LMNA: variants seen among roughly 807,000 people sequenced by gnomAD.
LMNA encodes the protein lamin A/C.
A neutral mutation model predicts 70.4 loss-of-function variants in LMNA; 20 were observed. The observed-to-expected ratio is 0.28, with a 90% CI of 0.20 to 0.41. The LOEUF is 0.41. LMNA is among the 10% of genes least tolerant of loss of function. The probability of loss-of-function intolerance (pLI) is 1.00; values close to 1 mark genes in which losing one functional copy is unlikely to be tolerated. For missense variants in LMNA, 652 were observed against 917.2 expected, an observed-to-expected ratio of 0.71 and a Z score of 3.73; for synonymous variants, 339 against 372.8, an observed-to-expected ratio of 0.91 and a Z score of 1.04.
intron 1 of LMNA, among the ~76,000 whole-genome samples, chr1:156,121,046 CTTTT>C (rs57371677): frequency 1.0e-5 from 1 of 100,410 alleles, no homozygotes; most frequent in Admixed American, 1.0e-4. Flanking sequence ...CAAATCCATT[CTTTT>C]TTTTTTTTTT....
chr1:156,119,112 AT>A (rs901414282), intron 1 of LMNA, among the ~76,000 whole-genome samples: 25 of 146,648 alleles, frequency 1.7e-4, no homozygotes, highest in East Asian at 9.9e-4. Flanking sequence ...TGCCCAGCTA[AT>A]TTTTTTTTTC....
intron 3 of LMNA, among the ~76,000 whole-genome samples, chr1:156,092,886 T>C (rs1648760655): frequency 6.6e-6 from 1 of 150,800 alleles, no homozygotes; most frequent in Non-Finnish European, 1.5e-5. Context: ...TCTTTTCTTT[T>C]TTTCTTTTTT....
intron 2 of LMNA, among the ~76,000 whole-genome samples, chr1:156,086,426 T>TCTC (rs1375166588): frequency 6.3e-5 from 6 of 95,814 alleles, no homozygotes; most frequent in Non-Finnish European, 8.3e-5. Context: ...CTCTCTCTCT[T>TCTC]TTGTCTTTCT....
At chr1:156,108,970 C>T (rs1399403017) in intron 3 of LMNA, among the ~76,000 whole-genome samples, 1 of 152,162 alleles carries the variant, frequency 6.6e-6, no homozygotes, top group African/African-American at 2.4e-5. Flanking sequence ...AGAACCTTCT[C>T]TGACAACAGA....
At chr1:156,127,008 C>T in intron 1 of LMNA, 1 of 1,299,706 alleles carries the variant, frequency 7.7e-7, no homozygotes, top group Non-Finnish European at 1.0e-6. Flanking sequence ...CTTCCCAGCT[C>T]CTCTGGCCTG....
At chr1:156,130,491 G>T in intron 1 of LMNA, 126 bp from the exon 2 acceptor site, 1 of 1,043,214 alleles carries the variant, frequency 9.6e-7, no homozygotes, top group African/African-American at 1.6e-5. Context: ...CCTAATGCAA[G>T]GATGCCCTCT....
rs1252289177 is a variant in LMNA at position 156,138,548 on chromosome 1, C to T, written c.1759C>T (p.Leu587=). The change falls in exon 11 of 12, where the codon CTG becomes TTG. Residue 587 remains leucine (L), a synonymous_variant. Coordinates refer to ENST00000368300, the MANE Select transcript of LMNA (RefSeq NM_170707.4). This position sits in a 1 kb window ranked among gnomAD's most constrained non-coding sequence, Gnocchi z 5.5. ...AEYNLRSRTV[L]CGTCGQPADK... is the part of the protein sequence containing the mutation. ...GTACAACCTGCGCTCGCGCACCGTGCTGTGCGGGACCTGCGGGCAGCCTGC... is the reference window on the plus strand; with the variant it reads ...GTACAACCTGCGCTCGCGCACCGTGTTGTGCGGGACCTGCGGGCAGCCTGC... 3.1e-6 allele frequency: 5 copies of T among 1,612,652 alleles called. No individual in the cohort carries two copies. The highest frequency in any genetic ancestry group is 4.2e-6 in the Non-Finnish European group (5 of 1,179,786).
At chr1:156,095,383 T>C (rs1391467800) in intron 3 of LMNA, among the ~76,000 whole-genome samples, 1 of 152,072 alleles carries the variant, frequency 6.6e-6, no homozygotes, top group Non-Finnish European at 1.5e-5. Context: ...ATGAAAGGAA[T>C]AAAATGACCA....
Position 156,138,670 on chromosome 1 carries a change from C to T in LMNA, c.1881C>T (p.Arg627=), listed in dbSNP as rs780246331. 6.2e-7 allele frequency: 1 copy of T among 1,613,756 alleles called. No individual in the cohort carries two copies. The highest frequency in any genetic ancestry group is 1.1e-5 in the South Asian group (1 of 91,080). ...ASSVTVTRSY[R]SVGGSGGGSF... is the part of the protein sequence containing the mutation. ...GTGTCACGGTCACTCGCAGCTACCGCAGTGTGGGGGGCAGTGGGGGTGGCA... is the reference window on the plus strand; with the variant it reads ...GTGTCACGGTCACTCGCAGCTACCGTAGTGTGGGGGGCAGTGGGGGTGGCA... The change falls in exon 11 of 12, where the codon CGC becomes CGT. Residue 627 remains arginine (R), a synonymous_variant. Coordinates refer to ENST00000368300, the MANE Select transcript of LMNA (RefSeq NM_170707.4). This position sits in a 1 kb window ranked among gnomAD's most constrained non-coding sequence, Gnocchi z 5.5.
intron 3 of LMNA, among the ~76,000 whole-genome samples, chr1:156,096,937 A>G (rs2102795324): frequency 6.6e-6 from 1 of 152,300 alleles, no homozygotes; most frequent in African/African-American, 2.4e-5. Flanking sequence ...GCTCGGGGGC[A>G]GACTCTCGCT....
intron 1 of LMNA, among the ~76,000 whole-genome samples, chr1:156,127,194 C>T (rs1021210395): frequency 2.6e-5 from 4 of 152,156 alleles, no homozygotes; most frequent in African/African-American, 9.7e-5. Context: ...AAGGAAATGG[C>T]ACTTGGGGGC....
upstream of LMNA, chr1:156,114,652 G>T: frequency 8.2e-6 from 3 of 363,646 alleles, no homozygotes; most frequent in Non-Finnish European, 1.5e-5. Flanking sequence ...TAAGAGTAGT[G>T]GCCCCTCCTC....
intron 2 of LMNA, 80 bp downstream of exon 2, chr1:156,130,853 G>A: frequency 7.2e-7 from 1 of 1,386,654 alleles, no homozygotes; most frequent in South Asian, 1.2e-5. Context: ...CCTCCCCCAT[G>A]TGGTGCCTGG....
Position 156,138,429 on chromosome 1 carries a change from G to A in LMNA, c.1699-59G>A. The stretch of plus-strand genomic sequence containing the variant: ...GCCTGCAGGAGCCTGGAGCCTGGTT[G>A]GGCCTGAGTGGTCAGTCCCAGACTC... On this transcript the variant is annotated intron_variant, in intron 10 of 11. Coordinates refer to ENST00000368300, the MANE Select transcript of LMNA (RefSeq NM_170707.4). This position sits in a 1 kb window ranked among gnomAD's most constrained non-coding sequence, Gnocchi z 5.5. The A allele has an allele frequency of 1.3e-6, 2 of 1,573,406 alleles. No individual in the cohort carries two copies. Among genetic ancestry groups the A allele is most frequent in the Non-Finnish European group, 1.7e-6 (2 of 1,157,734 alleles).
At chr1:156,106,099 C>T (rs1268613247) in intron 3 of LMNA, among the ~76,000 whole-genome samples, 3 of 151,630 alleles carry the variant, frequency 2.0e-5, no homozygotes, top group African/African-American at 7.3e-5. Context: ...CGCGCCACTA[C>T]ACTCCAGCCT....
At chr1:156,106,645 G>T (rs1298177930) in intron 3 of LMNA, 1 of 48,620 alleles carries the variant, frequency 2.1e-5, no homozygotes, top group Non-Finnish European at 4.7e-5. Flanking sequence ...ACCCCCCCAC[G>T]CCTCTGTCCC....
chr1:156,095,689 C>G (rs368291689), intron 3 of LMNA, among the ~76,000 whole-genome samples: 1 of 152,138 alleles, frequency 6.6e-6, no homozygotes, highest in Non-Finnish European at 1.5e-5. Flanking sequence ...CATCCTTGTA[C>G]TAGGCCCTCT....
Position 156,139,731 on chromosome 1 carries a change from C to G in LMNA, c.*625C>G. The G allele has an allele frequency of 6.5e-7, 1 of 1,533,030 alleles. No homozygotes were observed. Among genetic ancestry groups the G allele is most frequent in the Non-Finnish European group, 8.7e-7 (1 of 1,146,178 alleles). The allele number at this position is 1,533,030 out of a possible 1,614,324, so 95.0% of individuals were successfully genotyped here. ...CAGCCCCGGGGTGAGTCCATTCTCC[C>G]AGGTACCAGCTGCGCTTGCTTTTCT... On this transcript the variant is annotated 3_prime_UTR_variant, in exon 12 of 12. Coordinates refer to ENST00000368300, the MANE Select transcript of LMNA (RefSeq NM_170707.4).
At position 156,138,439 on chromosome 1, in the gene LMNA, G is replaced by C. The variant is rs748811549; in HGVS notation, c.1699-49G>C. On this transcript the variant is annotated intron_variant, in intron 10 of 11. Transcript: ENST00000368300. This position sits in a 1 kb window ranked among gnomAD's most constrained non-coding sequence, Gnocchi z 5.5. ...GCCTGGAGCCTGGTTGGGCCTGAGT[G>C]GTCAGTCCCAGACTCGCCGTCCCGC... is the stretch of plus-strand genomic sequence containing the variant. 9 of 1,586,966 alleles carry C rather than the reference G, an allele frequency of 5.7e-6. No individual in the cohort carries two copies. Among genetic ancestry groups the C allele is most frequent in the Non-Finnish European group, 7.7e-6 (9 of 1,166,094 alleles).
Sources: gnomAD v4.1 joint callset for allele counts (sites outside exome capture counted in the v4.1 genomes callset) on GRCh38, gnomAD v4.1.1 for gene constraint, Gnocchi (gnomAD v3.1) non-coding constraint, MANE v1.5 for transcripts, NCBI Gene and HGNC (gene_info 2026-07-23, HGNC 2026-07-21) for gene names.